ZFP64: variants seen among roughly 807,000 people sequenced by gnomAD.
ZFP64 encodes ZFP64 zinc finger protein.
Under a neutral mutation model 51.6 loss-of-function variants are expected in ZFP64, and 14 were observed. The ratio of observed to expected loss-of-function variants is 0.27; its 90% CI spans 0.18 to 0.42. ZFP64 has a LOEUF of 0.42. Ranked by LOEUF, ZFP64 falls within the 10% of genes least tolerant of loss-of-function variation. The pLI is 1.00. For synonymous variants in ZFP64, 375 were observed against 361.4 expected, an observed-to-expected ratio of 1.04 and a Z score of -0.43; for missense variants, 754 against 906.8, an observed-to-expected ratio of 0.83 and a Z score of 2.16.
intron 6 of ZFP64, chr20:52,098,332 G>A (rs1489107948): frequency 3.4e-6 from 5 of 1,489,118 alleles, no homozygotes; most frequent in East Asian, 2.3e-5. Context: ...CTGGCATGTT[G>A]TCAGCAAACA....
At chr20:52,105,180 C>A in intron 5 of ZFP64, 1 of 1,437,076 alleles carries the variant, frequency 7.0e-7, no homozygotes, top group Admixed American at 2.8e-5. Context: ...TCCCGGCGCG[C>A]AGGCCGCGGC....
At chr20:52,185,579 C>CTTTTT (rs11472663) in intron 2 of ZFP64, among the ~76,000 whole-genome samples, 5 of 127,860 alleles carry the variant, frequency 3.9e-5, no homozygotes, top group African/African-American at 1.2e-4. Flanking sequence ...CCACTTTGCA[C>CTTTTT]TTTTTTTTTT....
At chr20:52,093,757 AT>A (rs1055637531) in intron 7 of ZFP64, among the ~76,000 whole-genome samples, 2 of 152,110 alleles carry the variant, frequency 1.3e-5, no homozygotes, top group African/African-American at 4.8e-5. Context: ...TACTGTGCAT[AT>A]TAACCACCCG....
At chr20:52,162,687 A>G (rs921952864) in intron 4 of ZFP64, among the ~76,000 whole-genome samples, 2 of 152,228 alleles carry the variant, frequency 1.3e-5, no homozygotes, top group African/African-American at 4.8e-5. Flanking sequence ...CAAATTTAAA[A>G]ATCCAGGAAC....
rs1184253915 is a variant in ZFP64 at position 52,085,980 on chromosome 20, C to T, written c.1229-714G>A. On this transcript the variant is annotated intron_variant, in intron 8 of 8. Transcript: ENST00000361387. This position sits in a 1 kb window ranked among gnomAD's most constrained non-coding sequence, Gnocchi z 4.3. ...ACCCATCCTTTCCCTAACCTCTCCC[C>T]TGCATTCTGGTGGTTGTGACTTTTA... Among the ~76,000 whole-genome samples the T allele has an allele frequency of 2.0e-5, 3 of 152,192 alleles. No individual in the cohort carries two copies. Among genetic ancestry groups the T allele is most frequent in the African/African-American group, 7.2e-5 (3 of 41,444 alleles).
At chr20:52,104,195 C>T (rs6123127) in intron 5 of ZFP64, among the ~76,000 whole-genome samples, 1 of 152,218 alleles carries the variant, frequency 6.6e-6, no homozygotes, top group African/African-American at 2.4e-5. Flanking sequence ...AGGGAAGCGC[C>T]TTAGAAATGC....
exon 9 of ZFP64, chr20:52,084,231 A>C (rs1178263671): frequency 2.4e-5 from 7 of 288,318 alleles, no homozygotes; most frequent in Non-Finnish European, 4.5e-5. Context: ...TCAGAGATGG[A>C]TCAGTTTTAA....
intron 2 of ZFP64, among the ~76,000 whole-genome samples, chr20:52,172,639 G>A (rs766387468): frequency 1.3e-5 from 2 of 151,672 alleles, no homozygotes; most frequent in African/African-American, 2.4e-5. Flanking sequence ...ACTTGCCCAC[G>A]CCCCAAGAAT....
intron 2 of ZFP64, among the ~76,000 whole-genome samples, chr20:52,167,060 C>T (rs1254606604): frequency 6.6e-6 from 1 of 151,982 alleles, no homozygotes; most frequent in Non-Finnish European, 1.5e-5. Context: ...CGCTGTGGCT[C>T]ACAGCTGTAA....
In ZFP64 at chr20:52,085,431, C is replaced by G. The variant is rs2078854106; in HGVS notation, c.1229-165G>C. Among the ~76,000 whole-genome samples, 1 of 152,196 alleles carries G rather than the reference C, an allele frequency of 6.6e-6. No homozygotes were observed. Among genetic ancestry groups the G allele is most frequent in the Admixed American group, 6.5e-5 (1 of 15,282 alleles). On this transcript the variant is annotated intron_variant, in intron 8 of 8. Transcript: ENST00000361387. This position sits in a 1 kb window ranked among gnomAD's most constrained non-coding sequence, Gnocchi z 4.3. Reference sequence around the variant, plus strand: ...GTTGTGCATATTAATGCAATCCTCACAACAATCCTATGAGTGGGTACTATT... The same window carrying G: ...GTTGTGCATATTAATGCAATCCTCAGAACAATCCTATGAGTGGGTACTATT...
At chr20:52,103,916 G>A (rs1053194133) in intron 5 of ZFP64, among the ~76,000 whole-genome samples, 3 of 152,134 alleles carry the variant, frequency 2.0e-5, no homozygotes, top group Non-Finnish European at 4.4e-5. Flanking sequence ...CACCACCTCG[G>A]GAAGTTGTGG....
intron 5 of ZFP64, among the ~76,000 whole-genome samples, chr20:52,116,795 C>G (rs993068275): frequency 1.3e-5 from 2 of 152,132 alleles, no homozygotes; most frequent in Admixed American, 6.5e-5. Flanking sequence ...CGAGGCTGGG[C>G]GCACTGGCTC....
intron 5 of ZFP64, chr20:52,105,154 G>C (rs1216983292): frequency 5.5e-6 from 8 of 1,447,828 alleles, no homozygotes; most frequent in Non-Finnish European, 7.2e-6. Context: ...CCACCTGCGG[G>C]GCCACCTCCG....
At chr20:52,096,598 T>C (rs1185222711) in intron 7 of ZFP64, among the ~76,000 whole-genome samples, 1 of 152,218 alleles carries the variant, frequency 6.6e-6, no homozygotes, top group Non-Finnish European at 1.5e-5. Context: ...CTAAGTAGTA[T>C]TTTAGGCAGG....
chr20:52,179,701 C>T (rs567440684), intron 2 of ZFP64, among the ~76,000 whole-genome samples: 37 of 152,226 alleles, frequency 2.4e-4, no homozygotes, highest in Non-Finnish European at 4.3e-4. Context: ...ATAGGGACAC[C>T]CCTGTCACTG....
At chr20:52,146,944 C>T (rs1002209748), downstream of ZFP64, among the ~76,000 whole-genome samples, 1 of 152,128 alleles carries the variant, frequency 6.6e-6, no homozygotes, top group Admixed American at 6.6e-5. Flanking sequence ...CTTAACATAC[C>T]AGGCTATATG....
At chr20:52,181,140 C>T (rs550351477) in intron 2 of ZFP64, among the ~76,000 whole-genome samples, 24 of 152,164 alleles carry the variant, frequency 1.6e-4, no homozygotes, top group Admixed American at 1.2e-3. Context: ...ATGGGGGTTT[C>T]ACCACATTGG....
chr20:52,132,618 C>T (rs1417722645), intron 5 of ZFP64, among the ~76,000 whole-genome samples: 1 of 152,004 alleles, frequency 6.6e-6, no homozygotes, highest in Non-Finnish European at 1.5e-5. Context: ...ATGAAATGGA[C>T]AAATTCCTAG....
At chr20:52,111,639 A>G (rs1445980245) in intron 5 of ZFP64, among the ~76,000 whole-genome samples, 1 of 152,126 alleles carries the variant, frequency 6.6e-6, no homozygotes, top group Non-Finnish European at 1.5e-5. Context: ...CGCAACTCTT[A>G]AGTATTTTGC....
Sources: gnomAD v4.1 joint callset for allele counts (sites outside exome capture counted in the v4.1 genomes callset) on GRCh38, gnomAD v4.1.1 for gene constraint, Gnocchi (gnomAD v3.1) non-coding constraint, MANE v1.5 for transcripts, NCBI Gene and HGNC (gene_info 2026-07-23, HGNC 2026-07-21) for gene names.